PACSIN2: variants seen among roughly 807,000 people sequenced by gnomAD.
PACSIN2 encodes the protein protein kinase C and casein kinase substrate in neurons protein 2.
A neutral mutation model predicts 63.8 loss-of-function variants in PACSIN2; 25 were observed. The ratio of observed to expected loss-of-function variants is 0.39; its 90% CI spans 0.29 to 0.55. The LOEUF (loss-of-function observed/expected upper bound fraction) is 0.55. Among genes scored for constraint, PACSIN2 ranks in the 20% least tolerant of loss-of-function variants. The pLI is 0.62. For synonymous variants in PACSIN2, 255 were observed against 256.2 expected, an observed-to-expected ratio of 1.00 and a Z score of 0.05; for missense variants, 518 against 646.9, an observed-to-expected ratio of 0.80 and a Z score of 2.16.
At chr22:42,981,877 G>C (rs1286933147) in intron 1 of PACSIN2, among the ~76,000 whole-genome samples, 2 of 101,834 alleles carry the variant, frequency 2.0e-5, no homozygotes, top group East Asian at 3.4e-4. Context: ...GAGGTGGGGG[G>C]ATCAGCCCCC....
At chr22:42,930,172 AGTGTG>A (rs1436339493) in intron 1 of PACSIN2, among the ~76,000 whole-genome samples, 1 of 152,268 alleles carries the variant, frequency 6.6e-6, no homozygotes, top group Admixed American at 6.5e-5. Context: ...GGTCTCTGAC[AGTGTG>A]GTGTGCCCAC....
At chr22:42,928,609 G>A (rs1026148598) in intron 1 of PACSIN2, among the ~76,000 whole-genome samples, 2 of 152,204 alleles carry the variant, frequency 1.3e-5, no homozygotes, top group African/African-American at 4.8e-5. Flanking sequence ...AGTAGATGGT[G>A]TTAATGTCTG....
chr22:42,873,579 G>T lies in PACSIN2; in HGVS notation c.1349-2110C>A, dbSNP rs529907070. Among the ~76,000 whole-genome samples the T allele has an allele frequency of 1.1e-4, 16 of 152,286 alleles. No homozygotes were observed. The East Asian group carries it at 3.1e-3, about 29-fold the overall frequency. Reference sequence around the variant, plus strand: ...TGAGTCAGGGGTTGGGGTGGTGGTGGTAAGGCAGCCTTTCCCACAAGTGTA... The same window carrying T: ...TGAGTCAGGGGTTGGGGTGGTGGTGTTAAGGCAGCCTTTCCCACAAGTGTA... On this transcript the variant is annotated intron_variant, in intron 10 of 10. Coordinates refer to ENST00000263246, the MANE Select transcript of PACSIN2 (RefSeq NM_001184970.3).
chr22:42,999,736 G>T (rs1386523041), intron 1 of PACSIN2, among the ~76,000 whole-genome samples: 1 of 152,210 alleles, frequency 6.6e-6, no homozygotes, highest in Non-Finnish European at 1.5e-5. Flanking sequence ...TCCCCTGGCA[G>T]TCACTCCCTA....
At chr22:42,923,005 G>A (rs1044080650) in intron 1 of PACSIN2, among the ~76,000 whole-genome samples, 2 of 152,124 alleles carry the variant, frequency 1.3e-5, no homozygotes, top group African/African-American at 4.8e-5. Flanking sequence ...GGGTCTTTCC[G>A]GCAGAGGCAG....
At chr22:42,982,908 G>C (rs1449200003) in intron 1 of PACSIN2, among the ~76,000 whole-genome samples, 3 of 120,026 alleles carry the variant, frequency 2.5e-5, no homozygotes, top group Non-Finnish European at 5.3e-5. Flanking sequence ...AAGGCTAGGA[G>C]CAGTGGCTCA....
At chr22:42,927,657 G>A (rs1166097064) in intron 1 of PACSIN2, among the ~76,000 whole-genome samples, 1 of 151,468 alleles carries the variant, frequency 6.6e-6, no homozygotes, top group African/African-American at 2.4e-5. Context: ...GCGTGATCTT[G>A]GCTCACTGCA....
At chr22:43,010,691 C>A (rs1157956362) in intron 1 of PACSIN2, among the ~76,000 whole-genome samples, 3 of 151,910 alleles carry the variant, frequency 2.0e-5, no homozygotes, top group Non-Finnish European at 4.4e-5. Flanking sequence ...CCAGCCTGGG[C>A]AACAAAGCGA....
intron 1 of PACSIN2, among the ~76,000 whole-genome samples, chr22:42,970,292 C>G (rs892129977): frequency 3.3e-5 from 5 of 152,188 alleles, no homozygotes; most frequent in Non-Finnish European, 7.4e-5. Flanking sequence ...ATGAAAAGGG[C>G]ACTTCACCTC....
rs111863522 is a variant in PACSIN2 at position 42,902,877 on chromosome 22, G to T, written c.60+9144C>A. ...GATCCACCCACCTCAGCCTCCCAAA[G>T]TGTTGGGAATACAGGTGTGAGCCAC... is the stretch of plus-strand genomic sequence containing the variant. On this transcript the variant is annotated intron_variant, in intron 2 of 10. Transcript: ENST00000263246. 3.9e-5 allele frequency among the ~76,000 whole-genome samples: 6 copies of T among 152,314 alleles called. No homozygotes were observed. In the East Asian group the frequency reaches 7.7e-4, roughly 20 times the overall value.
At chr22:42,885,934 C>A (rs1391757381) in intron 5 of PACSIN2, among the ~76,000 whole-genome samples, 1 of 152,204 alleles carries the variant, frequency 6.6e-6, no homozygotes, top group Non-Finnish European at 1.5e-5. Flanking sequence ...CTGCCCGTGC[C>A]CACTACCTGG....
At chr22:42,952,197 A>C (rs1601570195) in intron 1 of PACSIN2, among the ~76,000 whole-genome samples, 1 of 152,350 alleles carries the variant, frequency 6.6e-6, no homozygotes, top group East Asian at 1.9e-4. Context: ...GATACGTAAC[A>C]GGCACATAAT....
At position 42,871,083 on chromosome 22, in the gene PACSIN2, T is replaced by C. The variant is rs1388998351; in HGVS notation, c.*274A>G. On this transcript the variant is annotated 3_prime_UTR_variant, in exon 11 of 11. Coordinates refer to ENST00000263246, the MANE Select transcript of PACSIN2 (RefSeq NM_001184970.3). The surrounding 1 kb of genome is among the most constrained non-coding windows in gnomAD (Gnocchi z 5.4). ...GAAAGGAGAGACAAAGTCAAGAACA[T>C]AGAGATCTATGATAGGCCAACAGGC... is the stretch of plus-strand genomic sequence containing the variant. 2.7e-5 allele frequency: 13 copies of C among 475,104 alleles called. 1 individual carries two copies. Among genetic ancestry groups the C allele is most frequent in the South Asian group, 2.6e-4 (10 of 38,982 alleles). 29.4% of individuals were successfully genotyped at this position (475,104 alleles called of 1,614,324 possible).
chr22:42,907,547 A>T (rs1256108402), intron 2 of PACSIN2, among the ~76,000 whole-genome samples: 1 of 152,278 alleles, frequency 6.6e-6, no homozygotes, highest in African/African-American at 2.4e-5. Flanking sequence ...ATGTGGGCAC[A>T]GTGCTCCTGC....
intron 1 of PACSIN2, among the ~76,000 whole-genome samples, chr22:42,916,191 G>A (rs903573568): frequency 2.0e-5 from 3 of 152,120 alleles, no homozygotes; most frequent in Non-Finnish European, 2.9e-5. Flanking sequence ...GCCGTGGCAC[G>A]GCCTACCTCA....
Position 42,871,928 on chromosome 22 carries a change from C to T in PACSIN2, c.1349-459G>A, listed in dbSNP as rs1928171137. 1.2e-5 allele frequency among the ~76,000 whole-genome samples: 1 copy of T among 81,708 alleles called. No individual in the cohort carries two copies. Among genetic ancestry groups the T allele is most frequent in the African/African-American group, 1.1e-4 (1 of 8,960 alleles). The allele number at this position is 81,708 out of a possible 152,430, so 53.6% of individuals were successfully genotyped here. A position where few individuals can be genotyped will look rare whatever the true frequency, so the allele number is the denominator to read the frequency against. On this transcript the variant is annotated intron_variant, in intron 10 of 10. Transcript: ENST00000263246. This position sits in a 1 kb window ranked among gnomAD's most constrained non-coding sequence, Gnocchi z 5.4. ...GCTAATCCCTCTCCTCTGCAACTTC[C>T]AGGCTGCGAGGGGAAGGGACCATGT...
intron 2 of PACSIN2, among the ~76,000 whole-genome samples, chr22:42,901,832 C>T (rs1002069343): frequency 5.9e-5 from 9 of 152,180 alleles, no homozygotes; most frequent in Admixed American, 2.0e-4. Context: ...GTCAGACATT[C>T]GACTCTGGTT....
intron 1 of PACSIN2, among the ~76,000 whole-genome samples, chr22:42,943,555 T>G (rs1569304805): frequency 6.6e-6 from 1 of 152,236 alleles, no homozygotes; most frequent in Non-Finnish European, 1.5e-5. Flanking sequence ...AGTTCCCTTC[T>G]GTTCCTGGTT....
chr22:43,000,088 A>G (rs713776), intron 1 of PACSIN2, among the ~76,000 whole-genome samples: 62,637 of 152,176 alleles, frequency 0.41, 13,381 homozygotes, highest in Non-Finnish European at 0.46. Context: ...ATCTGGTTGC[A>G]GAGCTCCTTA....
Sources: allele counts gnomAD v4.1 joint callset (sites outside exome capture counted in the v4.1 genomes callset), GRCh38; gene constraint gnomAD v4.1.1; non-coding constraint Gnocchi (gnomAD v3.1); transcripts MANE v1.5; gene names NCBI Gene and HGNC (gene_info 2026-07-23, HGNC 2026-07-21).